Variants in NDFIP1 observed in about 807,000 individuals in gnomAD.
The protein encoded by NDFIP1 is Nedd4 family interacting protein 1, also known as NEDD4 family-interacting protein 1.
In NDFIP1, 7 loss-of-function variants were observed where a neutral mutation model predicts 28.8. That is an observed-to-expected ratio of 0.24 (90% CI 0.14 to 0.46). The LOEUF (loss-of-function observed/expected upper bound fraction) is 0.46. Ranked by LOEUF, NDFIP1 falls within the 20% of genes least tolerant of loss-of-function variation. The probability of loss-of-function intolerance (pLI) is 0.99; values close to 1 mark genes in which losing one functional copy is unlikely to be tolerated. For synonymous variants in NDFIP1, 92 were observed against 101.0 expected (o/e 0.91, Z 0.53); for missense variants, 194 against 269.1 (o/e 0.72, Z 1.95).
intron 6 of NDFIP1, among the ~76,000 whole-genome samples, chr5:142,141,235 G>C (rs1212839969): frequency 7.1e-6 from 1 of 140,806 alleles, no homozygotes; most frequent in Non-Finnish European, 1.5e-5. Flanking sequence ...GAGTGCAGTG[G>C]CGTGATCTCG....
intron 7 of NDFIP1, among the ~76,000 whole-genome samples, chr5:142,146,103 T>G (rs1189986430): frequency 6.6e-6 from 1 of 152,140 alleles, no homozygotes; most frequent in African/African-American, 2.4e-5. Context: ...ACTCATGGAG[T>G]TTTCCATGTG....
intron 1 of NDFIP1, among the ~76,000 whole-genome samples, chr5:142,127,126 G>A (rs1561600456): frequency 6.6e-6 from 1 of 151,862 alleles, no homozygotes; most frequent in East Asian, 1.9e-4. Flanking sequence ...AGTGATTCTC[G>A]TGCCTAAGCC....
At position 142,153,496 on chromosome 5, in the gene NDFIP1, A is replaced by AGTG. The variant is rs1446173561; in HGVS notation, c.*1768_*1769insGTG. 2.2e-6 allele frequency: 1 copy of AGTG among 450,952 alleles called. No individual in the cohort carries two copies. The highest frequency in any genetic ancestry group is 6.9e-5 in the East Asian group (1 of 14,410). 27.9% of individuals were successfully genotyped at this position (450,952 alleles called of 1,614,324 possible). A position where few individuals can be genotyped will look rare whatever the true frequency, so the allele number is the denominator to read the frequency against. On this transcript the variant is annotated 3_prime_UTR_variant, in exon 8 of 8. Transcript: ENST00000253814. ...TAGGAGCCTCCTGGATTGACATTTC[A>AGTG]ATGATCCCTCTAACCAGTTTATGGA...
intron 3 of NDFIP1, among the ~76,000 whole-genome samples, chr5:142,134,619 C>G (rs531438994): frequency 6.6e-6 from 1 of 152,198 alleles, no homozygotes; most frequent in South Asian, 2.1e-4. Flanking sequence ...TTGATATTCC[C>G]TAAAATATTT....
At position 142,144,644 on chromosome 5, in the gene NDFIP1, C is replaced by T. The variant is rs1447686297; in HGVS notation, c.636C>T (p.Leu212=). The part of the protein sequence containing the change: ...VRKMPETFSN[L]PRTRVLFIY ...AGATGCCAGAAACTTTCTCAAATCTCCCCAGGACCAGAGTTCTCTTTATTT... is the reference window on the plus strand; with the variant it reads ...AGATGCCAGAAACTTTCTCAAATCTTCCCAGGACCAGAGTTCTCTTTATTT... Residue 212 remains leucine, a synonymous_variant, in exon 7 of 8, where the codon CTC becomes CTT. Transcript: ENST00000253814. 18 of 1,611,758 alleles carry T rather than the reference C, an allele frequency of 1.1e-5. No individual in the cohort carries two copies. The highest frequency in any genetic ancestry group is 1.5e-5 in the Non-Finnish European group (18 of 1,178,596).
intron 6 of NDFIP1, among the ~76,000 whole-genome samples, chr5:142,140,895 C>T (rs1757320216): frequency 6.6e-6 from 1 of 152,152 alleles, no homozygotes; most frequent in Non-Finnish European, 1.5e-5. Context: ...ATGGGGTATG[C>T]TGATGACTCT....
chr5:142,135,002 G>A (rs910453107), intron 3 of NDFIP1, among the ~76,000 whole-genome samples: 9 of 151,228 alleles, frequency 6.0e-5, no homozygotes, highest in Non-Finnish European at 1.2e-4. Flanking sequence ...TTTTTGAGAC[G>A]GAGTCTCACT....
intron 1 of NDFIP1, among the ~76,000 whole-genome samples, chr5:142,125,916 T>A (rs1757165568): frequency 6.6e-6 from 1 of 152,224 alleles, no homozygotes; most frequent in African/African-American, 2.4e-5. Context: ...TTTGGAGAAA[T>A]GTCTGTTCAA....
At chr5:142,112,868 A>T (rs973339834) in intron 1 of NDFIP1, among the ~76,000 whole-genome samples, 2 of 151,572 alleles carry the variant, frequency 1.3e-5, no homozygotes, top group African/African-American at 4.8e-5. Flanking sequence ...TGAAACTGAG[A>T]CTGTCTCAGA....
At chr5:142,117,149 A>G (rs1427691859) in intron 1 of NDFIP1, among the ~76,000 whole-genome samples, 1 of 152,184 alleles carries the variant, frequency 6.6e-6, no homozygotes, top group Non-Finnish European at 1.5e-5. Flanking sequence ...CTTGAATACA[A>G]TTTGGAGGTC....
intron 6 of NDFIP1, 36 bp downstream of exon 6, chr5:142,140,665 A>G (rs774792716): frequency 1.3e-5 from 19 of 1,517,260 alleles, no homozygotes; most frequent in Non-Finnish European, 7.2e-6. Flanking sequence ...GCAAGAAAAC[A>G]TTACATTAAA....
chr5:142,137,661 G>A, intron 4 of NDFIP1, 73 bp from the exon 5 acceptor site: 1 of 1,552,934 alleles, frequency 6.4e-7, no homozygotes, highest in Non-Finnish European at 8.8e-7. Flanking sequence ...TTTAAACAGA[G>A]GCAGGTGTAA....
intron 1 of NDFIP1, among the ~76,000 whole-genome samples, chr5:142,114,227 T>G (rs1359735240): frequency 6.6e-6 from 1 of 152,182 alleles, no homozygotes; most frequent in Non-Finnish European, 1.5e-5. Context: ...TATGTTCTCT[T>G]TTTTGTTTTT....
chr5:142,135,324 G>T (rs1410928698), intron 3 of NDFIP1, among the ~76,000 whole-genome samples: 1 of 152,050 alleles, frequency 6.6e-6, no homozygotes, highest in African/African-American at 2.4e-5. Flanking sequence ...ACAGGTCCTC[G>T]ATTACTGATA....
chr5:142,141,984 T>A (rs535368246), intron 6 of NDFIP1, among the ~76,000 whole-genome samples: 1 of 152,216 alleles, frequency 6.6e-6, no homozygotes, highest in African/African-American at 2.4e-5. Flanking sequence ...AAAATTTTTT[T>A]AAATTAACCA....
chr5:142,143,673 T>A (rs1596794884), intron 6 of NDFIP1: 1 of 152,098 alleles, frequency 6.6e-6, no homozygotes, highest in Non-Finnish European at 1.5e-5. Flanking sequence ...ATGTATAGAT[T>A]CTGGTGTAGT....
intron 1 of NDFIP1, among the ~76,000 whole-genome samples, chr5:142,119,823 G>A (rs1291789486): frequency 6.6e-6 from 1 of 152,074 alleles, no homozygotes; most frequent in Non-Finnish European, 1.5e-5. Flanking sequence ...TAGACTTATT[G>A]TTAAATTTTG....
chr5:142,129,207 T>A (rs1757201071), intron 1 of NDFIP1, among the ~76,000 whole-genome samples: 1 of 152,188 alleles, frequency 6.6e-6, no homozygotes, highest in African/African-American at 2.4e-5. Flanking sequence ...CTCTTCTGCT[T>A]CTTTTGGTGA....
intron 3 of NDFIP1, among the ~76,000 whole-genome samples, chr5:142,134,291 T>C (rs1467382786): frequency 6.6e-6 from 1 of 152,190 alleles, no homozygotes; most frequent in African/African-American, 2.4e-5. Flanking sequence ...TTAGAAGGTG[T>C]TCGTAATATT....
Sources: allele counts gnomAD v4.1 joint callset (sites outside exome capture counted in the v4.1 genomes callset), GRCh38; gene constraint gnomAD v4.1.1; transcripts MANE v1.5; gene names NCBI Gene and HGNC (gene_info 2026-07-23, HGNC 2026-07-21).